Variants in ADI1 observed in about 807,000 individuals in gnomAD.
The protein encoded by ADI1 is acireductone dioxygenase 1.
ADI1 carries 21 observed loss-of-function variants against 18.7 expected under a neutral mutation model. The observed-to-expected ratio is 1.13, with a 90% CI of 0.80 to 1.62. The LOEUF (loss-of-function observed/expected upper bound fraction) is 1.62. Ranked by LOEUF, ADI1 falls within the 40% of genes most tolerant of loss-of-function variation. The pLI is 0.00. For missense variants in ADI1, 245 were observed against 254.9 expected, an observed-to-expected ratio of 0.96 and a Z score of 0.26; for synonymous variants, 90 against 100.1, an observed-to-expected ratio of 0.90 and a Z score of 0.60.
chr2:3,506,807 A>G (rs1409311192), intron 2 of ADI1, among the ~76,000 whole-genome samples: 1 of 152,270 alleles, frequency 6.6e-6, no homozygotes, highest in Non-Finnish European at 1.5e-5. Flanking sequence ...ATCATGCTAT[A>G]GTAGTCAAGA....
In ADI1 at chr2:3,499,012, T is replaced by TG; in HGVS notation, c.490dup (p.His164ProfsTer3). The TG allele has an allele frequency of 6.2e-7, 1 of 1,614,012 alleles. No homozygotes were observed. Among genetic ancestry groups the TG allele is most frequent in the Non-Finnish European group, 8.5e-7 (1 of 1,179,886 alleles). On this transcript the variant is annotated frameshift_variant, in exon 4 of 4. Coordinates refer to ENST00000327435, the MANE Select transcript of ADI1 (RefSeq NM_018269.4). LOFTEE classifies it low-confidence loss of function (END_TRUNC). The stretch of plus-strand genomic sequence containing the variant: ...CACGTACTGCCCGCGGGCTTCAAAA[T>TG]GGTCAGCGGGCCGGTTGTACGCTGT...
Position 3,498,806 on chromosome 2 carries a change from T to C in ADI1, c.*157A>G. ...CACTTCCAAGTTGCTTTCTAGATCC[T>C]TTCATTACAAAATATTCTGATCAAA... On this transcript the variant is annotated 3_prime_UTR_variant, in exon 4 of 4. Transcript: ENST00000327435. The C allele has an allele frequency of 7.7e-7, 1 of 1,305,094 alleles. No homozygotes were observed. The highest frequency in any genetic ancestry group is 1.0e-6 in the Non-Finnish European group (1 of 963,880). The allele number at this position is 1,305,094 out of a possible 1,614,324, so 80.8% of individuals were successfully genotyped here. A position where few individuals can be genotyped will look rare whatever the true frequency, so the allele number is the denominator to read the frequency against.
At chr2:3,509,179 G>A (rs749582652) in intron 2 of ADI1, among the ~76,000 whole-genome samples, 6 of 152,136 alleles carry the variant, frequency 3.9e-5, no homozygotes, top group Non-Finnish European at 1.5e-5. Context: ...ATCAAAATAT[G>A]TGAGGCTAAC....
intron 2 of ADI1, among the ~76,000 whole-genome samples, chr2:3,508,360 A>C (rs71449678): frequency 1.4e-3 from 202 of 144,098 alleles, no homozygotes; most frequent in Non-Finnish European, 2.4e-3. Flanking sequence ...AAAAAAAAAA[A>C]CAATAACAAA....
chr2:3,504,931 A>G (rs577333982), intron 2 of ADI1, among the ~76,000 whole-genome samples: 3 of 132,192 alleles, frequency 2.3e-5, no homozygotes, highest in East Asian at 2.2e-4. Flanking sequence ...TTGCATTGTC[A>G]GTTCACCTGT....
chr2:3,518,825 C>T (rs1383980399), intron 1 of ADI1, among the ~76,000 whole-genome samples: 2 of 152,236 alleles, frequency 1.3e-5, no homozygotes, highest in Non-Finnish European at 2.9e-5. Context: ...TCGCAGCCCG[C>T]CTCCGGCGAA....
At chr2:3,506,364 A>G (rs1394962175) in intron 2 of ADI1, among the ~76,000 whole-genome samples, 3 of 152,254 alleles carry the variant, frequency 2.0e-5, no homozygotes, top group Non-Finnish European at 4.4e-5. Flanking sequence ...TGCAGGATAC[A>G]GGGTTAATAC....
At chr2:3,505,758 C>T (rs1667162308) in intron 2 of ADI1, among the ~76,000 whole-genome samples, 1 of 152,158 alleles carries the variant, frequency 6.6e-6, no homozygotes, top group South Asian at 2.1e-4. Flanking sequence ...TGAAACCCTA[C>T]CCTCTAATAT....
At chr2:3,501,698 T>C (rs1287405569) in intron 2 of ADI1, among the ~76,000 whole-genome samples, 1 of 152,010 alleles carries the variant, frequency 6.6e-6, no homozygotes, top group Non-Finnish European at 1.5e-5. Flanking sequence ...CAGCTAATTT[T>C]TGTATTCTCA....
At chr2:3,519,120 C>T (rs1456576162) in intron 1 of ADI1, among the ~76,000 whole-genome samples, 2 of 150,784 alleles carry the variant, frequency 1.3e-5, no homozygotes, top group Admixed American at 6.6e-5. Flanking sequence ...CCCTCAACGC[C>T]GCTGCTGAGC....
intron 2 of ADI1, among the ~76,000 whole-genome samples, chr2:3,512,672 G>A (rs1256545049): frequency 6.6e-6 from 1 of 152,238 alleles, no homozygotes; most frequent in Non-Finnish European, 1.5e-5. Flanking sequence ...AAGCCTGGGT[G>A]TCTAGGCAGA....
intron 1 of ADI1, chr2:3,517,509 T>C (rs995569216): frequency 6.6e-6 from 1 of 152,202 alleles, no homozygotes; most frequent in African/African-American, 2.4e-5. Context: ...TTCGTGTCTA[T>C]AATGCCAGCA....
intron 2 of ADI1, among the ~76,000 whole-genome samples, chr2:3,502,450 CTTTTTT>C (rs35773710): frequency 3.8e-5 from 5 of 130,762 alleles, no homozygotes; most frequent in African/African-American, 9.0e-5. Context: ...GGAAATAGCT[CTTTTTT>C]TTTTTTTTTT....
intron 1 of ADI1, among the ~76,000 whole-genome samples, chr2:3,514,534 T>C (rs958817699): frequency 2.0e-5 from 3 of 152,226 alleles, no homozygotes; most frequent in Non-Finnish European, 4.4e-5. Flanking sequence ...CTAAACCAAA[T>C]AGGATGATCG....
chr2:3,511,185 T>C (rs1183741532), intron 2 of ADI1, among the ~76,000 whole-genome samples: 1 of 147,360 alleles, frequency 6.8e-6, no homozygotes, highest in South Asian at 2.1e-4. Flanking sequence ...TTCTCTCTCT[T>C]GTTCCCATTC....
chr2:3,507,043 A>T (rs976477801), intron 2 of ADI1, among the ~76,000 whole-genome samples: 3 of 152,130 alleles, frequency 2.0e-5, no homozygotes, highest in African/African-American at 7.2e-5. Context: ...GTCCGTTCTT[A>T]TGCTGCTATA....
At chr2:3,507,894 A>G (rs1198443962) in intron 2 of ADI1, among the ~76,000 whole-genome samples, 1 of 152,168 alleles carries the variant, frequency 6.6e-6, no homozygotes, top group Non-Finnish European at 1.5e-5. Flanking sequence ...AGGAATTGGG[A>G]ACACTCAGTT....
intron 2 of ADI1, among the ~76,000 whole-genome samples, chr2:3,503,647 C>T (rs527981156): frequency 2.5e-4 from 38 of 152,300 alleles, no homozygotes; most frequent in Admixed American, 3.9e-4. Context: ...TTTCTAAGTG[C>T]CAGGGCTAAG....
chr2:3,518,726 C>T lies in ADI1; in HGVS notation c.120+642G>A, dbSNP rs575572094. Among the ~76,000 whole-genome samples the T allele has an allele frequency of 7.9e-5, 12 of 152,308 alleles. No homozygotes were observed. In the East Asian group the frequency reaches 2.1e-3, roughly 27 times the overall value. ...CCCAGGACACTTTCAAGCGGAGTCC[C>T]CCTTCCTCCGATAGAAGAAACCCCT... On this transcript the variant is annotated intron_variant, in intron 1 of 3. Transcript: ENST00000327435.
Sources: gnomAD v4.1 joint callset for allele counts (sites outside exome capture counted in the v4.1 genomes callset) on GRCh38, gnomAD v4.1.1 for gene constraint, MANE v1.5 for transcripts, NCBI Gene and HGNC (gene_info 2026-07-23, HGNC 2026-07-21) for gene names.